TMEM135: variants seen among roughly 807,000 people sequenced by gnomAD.
The protein encoded by TMEM135 is peroxisomal membrane protein 52.
In TMEM135, 30 loss-of-function variants were observed where a neutral mutation model predicts 60.3. The observed-to-expected ratio is 0.50, with a 90% CI of 0.37 to 0.68. TMEM135 has a LOEUF of 0.68. TMEM135 is among the 30% of genes least tolerant of loss of function. TMEM135 has a pLI of 0.00. For missense variants in TMEM135, 468 were observed against 548.8 expected (o/e 0.85, Z 1.47); for synonymous variants, 190 against 186.7 (o/e 1.02, Z -0.14).
At chr11:87,212,136 G>A (rs1391033720) in intron 5 of TMEM135, among the ~76,000 whole-genome samples, 1 of 152,116 alleles carries the variant, frequency 6.6e-6, no homozygotes, top group Admixed American at 6.6e-5. Flanking sequence ...ATGCCCAATA[G>A]CTGGTAATGA....
chr11:87,298,406 GTCCTT>G (rs1431307501), intron 7 of TMEM135, among the ~76,000 whole-genome samples: 9 of 152,268 alleles, frequency 5.9e-5, no homozygotes, highest in Non-Finnish European at 8.8e-5. Flanking sequence ...GAGGAAAACT[GTCCTT>G]TATCCATAAA....
intron 5 of TMEM135, among the ~76,000 whole-genome samples, chr11:87,182,714 T>G (rs1005475323): frequency 6.6e-6 from 1 of 152,154 alleles, no homozygotes; most frequent in Non-Finnish European, 1.5e-5. Context: ...ATTTTTGTGT[T>G]TTTTAACTGT....
chr11:87,142,440 A>G (rs985701382), intron 4 of TMEM135, among the ~76,000 whole-genome samples: 4 of 152,132 alleles, frequency 2.6e-5, no homozygotes, highest in African/African-American at 7.2e-5. Context: ...CCCTATCTCA[A>G]TTATTATTTC....
intron 6 of TMEM135, among the ~76,000 whole-genome samples, chr11:87,283,071 C>T (rs1942097162): frequency 6.6e-6 from 1 of 151,964 alleles, no homozygotes; most frequent in African/African-American, 2.4e-5. Context: ...GATGCAGTGG[C>T]TGCCTGTAAT....
intron 3 of TMEM135, among the ~76,000 whole-genome samples, chr11:87,079,724 A>G (rs879624575): frequency 6.6e-6 from 1 of 151,588 alleles, no homozygotes; most frequent in Non-Finnish European, 1.5e-5. Context: ...TAGGACGTTT[A>G]CATTCATTTC....
At chr11:87,053,142 T>C in intron 1 of TMEM135, among the ~76,000 whole-genome samples, 1 of 102,176 alleles carries the variant, frequency 9.8e-6, no homozygotes, top group African/African-American at 4.3e-5. Flanking sequence ...GGAAGGGGAA[T>C]ATCACACTCT....
At chr11:87,240,449 C>T (rs1941104706) in intron 6 of TMEM135, among the ~76,000 whole-genome samples, 1 of 151,832 alleles carries the variant, frequency 6.6e-6, no homozygotes. Flanking sequence ...TCTTTACTTC[C>T]AAATATGTAT....
chr11:87,144,709 A>AGTGTGTGTGTGT lies in TMEM135; in HGVS notation c.397-12617_397-12606dup, dbSNP rs4014711. Among the ~76,000 whole-genome samples the AGTGTGTGTGTGT allele has an allele frequency of 6.2e-3, 914 of 147,114 alleles. 6 individuals are homozygous for AGTGTGTGTGTGT. The highest frequency in any genetic ancestry group is 9.5e-3 in the Non-Finnish European group (630 of 66,604). ...TTACTGTATGTACTTTGTGTGTGAAAGTGTGTGTGTGTGTGTGTGTGTGTG... is the reference window on the plus strand; with the variant it reads ...TTACTGTATGTACTTTGTGTGTGAAAGTGTGTGTGTGTGTGTGTGTGTGTGTGTGTGTGTGTG... On this transcript the variant is annotated intron_variant, in intron 4 of 14. Coordinates refer to ENST00000305494, the MANE Select transcript of TMEM135 (RefSeq NM_022918.4).
chr11:87,129,558 T>TTTTTTTTGAAATG (rs58702794), intron 4 of TMEM135, among the ~76,000 whole-genome samples: 1 of 149,724 alleles, frequency 6.7e-6, no homozygotes, highest in African/African-American at 2.5e-5. Context: ...TTTTTTTTTT[T>TTTTTTTTGAAATG]GAAATGGAAT....
rs1173791905 is a variant in TMEM135 at position 87,178,566 on chromosome 11, C to T, written c.462+21160C>T. 4 of 454,392 alleles carry T rather than the reference C, an allele frequency of 8.8e-6. No homozygotes were observed. In the Admixed American group the frequency reaches 9.5e-5, roughly 11 times the overall value. The allele number at this position is 454,392 out of a possible 1,614,324, so 28.1% of individuals were successfully genotyped here. On this transcript the variant is annotated intron_variant, in intron 5 of 14. Coordinates refer to ENST00000305494, the MANE Select transcript of TMEM135 (RefSeq NM_022918.4). ...TGAGTCTCCTGAGTAGCTGGGACTA[C>T]AGGGGTGCACCATTACACCTGGCTA...
intron 6 of TMEM135, among the ~76,000 whole-genome samples, chr11:87,253,462 C>G (rs1054932002): frequency 6.6e-6 from 1 of 151,772 alleles, no homozygotes; most frequent in African/African-American, 2.4e-5. Context: ...TGTCAAAGTT[C>G]AAAAGTGGAT....
intron 6 of TMEM135, among the ~76,000 whole-genome samples, chr11:87,289,679 A>T (rs1942232052): frequency 6.6e-6 from 1 of 151,724 alleles, no homozygotes; most frequent in African/African-American, 2.4e-5. Context: ...TGGTCTTGAA[A>T]TCCTGACCTC....
chr11:87,237,201 G>T (rs1487792250), intron 6 of TMEM135, among the ~76,000 whole-genome samples: 3 of 151,964 alleles, frequency 2.0e-5, no homozygotes, highest in Admixed American at 1.3e-4. Context: ...TGGGGGCTAA[G>T]GGGAAGAGTG....
At chr11:87,139,831 C>G (rs1230700724) in intron 4 of TMEM135, among the ~76,000 whole-genome samples, 15 of 152,050 alleles carry the variant, frequency 9.9e-5, no homozygotes, top group Admixed American at 9.8e-4. Flanking sequence ...TTTGGCTATT[C>G]ATAAATATTT....
At chr11:87,049,630 T>C (rs1175231981) in intron 1 of TMEM135, among the ~76,000 whole-genome samples, 1 of 116,978 alleles carries the variant, frequency 8.5e-6, no homozygotes, top group East Asian at 2.5e-4. Flanking sequence ...CCTAAATATT[T>C]ATGCACCCAA....
chr11:87,222,245 C>T (rs1940640576), intron 5 of TMEM135, among the ~76,000 whole-genome samples: 1 of 150,146 alleles, frequency 6.7e-6, no homozygotes, highest in South Asian at 2.1e-4. Flanking sequence ...GCCTGTAATC[C>T]CAGCACTTTG....
chr11:87,119,841 G>A (rs1420893189), intron 4 of TMEM135, among the ~76,000 whole-genome samples: 1 of 151,772 alleles, frequency 6.6e-6, no homozygotes. Flanking sequence ...AAATATCTTG[G>A]ATAGACTTGC....
chr11:87,208,974 A>G (rs1453489471), intron 5 of TMEM135, among the ~76,000 whole-genome samples: 1 of 152,202 alleles, frequency 6.6e-6, no homozygotes, highest in African/African-American at 2.4e-5. Flanking sequence ...AAGCTTCATA[A>G]AGCAAAGGAG....
chr11:87,118,812 C>T (rs1857962857), intron 4 of TMEM135, among the ~76,000 whole-genome samples: 1 of 152,146 alleles, frequency 6.6e-6, no homozygotes, highest in African/African-American at 2.4e-5. Flanking sequence ...TAGCTTCTTC[C>T]CTTAAATCTC....
Sources: allele counts gnomAD v4.1 joint callset (sites outside exome capture counted in the v4.1 genomes callset), GRCh38; gene constraint gnomAD v4.1.1; transcripts MANE v1.5; gene names NCBI Gene and HGNC (gene_info 2026-07-23, HGNC 2026-07-21).